The following SNRPN variants were observed in gnomAD, a reference collection of about 807,000 sequenced individuals.
SNRPN encodes the protein small nuclear ribonucleoprotein-associated protein N.
In SNRPN, 7 loss-of-function variants were observed where a neutral mutation model predicts 25.2. That is an observed-to-expected ratio of 0.28 (90% CI 0.16 to 0.52). The LOEUF is 0.52. Among genes scored for constraint, SNRPN ranks in the 20% least tolerant of loss-of-function variants. The pLI, the probability that SNRPN is intolerant of heterozygous loss-of-function variation, is 0.96. For synonymous variants in SNRPN, 124 were observed against 110.6 expected (o/e 1.12, Z -0.76); for missense variants, 196 against 322.5 (o/e 0.61, Z 3.00).
intron 3 of SNRPN, among the ~76,000 whole-genome samples, chr15:24,938,322 T>C (rs1203588886): frequency 6.6e-6 from 1 of 152,152 alleles, no homozygotes; most frequent in Non-Finnish European, 1.5e-5. Context: ...GATTGGGGGT[T>C]TCACCATGTT....
intron 1 of SNRPN, among the ~76,000 whole-genome samples, chr15:24,867,376 GTT>G (rs1417168109): frequency 6.1e-5 from 8 of 131,490 alleles, no homozygotes; most frequent in African/African-American, 2.5e-4. Flanking sequence ...ATTTAAATAA[GTT>G]TTTTTTTTTT....
chr15:24,847,705 A>T (rs1420572882), intron 2 of SNRPN, among the ~76,000 whole-genome samples: 1 of 152,188 alleles, frequency 6.6e-6, no homozygotes, highest in Non-Finnish European at 1.5e-5. Context: ...TTCCCAGTAA[A>T]CACTCAGCGA....
rs1395637685 is a variant in SNRPN, at chr15:24,977,990, T to G, written c.559+74T>G. 8 of 1,403,988 alleles carry G rather than the reference T, an allele frequency of 5.7e-6. No individual in the cohort carries two copies. In the Admixed American group the frequency reaches 1.9e-4, roughly 33 times the overall value. 87.0% of individuals were successfully genotyped at this position (1,403,988 alleles called of 1,614,324 possible). Reference sequence around the variant, plus strand: ...TAGCTTACTGATTTAAGACACAGCCTGAGAGCCTAAGAATTTGGGGAATAT... The same window carrying G: ...TAGCTTACTGATTTAAGACACAGCCGGAGAGCCTAAGAATTTGGGGAATAT... On this transcript the variant is annotated intron_variant, in intron 8 of 9. Coordinates refer to ENST00000390687, the MANE Select transcript of SNRPN (RefSeq NM_003097.6).
chr15:24,959,355 G>A (rs965226882), intron 1 of SNRPN, among the ~76,000 whole-genome samples: 15 of 152,090 alleles, frequency 9.9e-5, no homozygotes, highest in Non-Finnish European at 1.6e-4. Context: ...AGCCAGGTGC[G>A]GTGGCTCATG....
At chr15:24,920,570 T>C (rs1248543378) in intron 3 of SNRPN, 2 of 152,120 alleles carry the variant, frequency 1.3e-5, no homozygotes, top group Admixed American at 1.3e-4. Context: ...TTCACTAACC[T>C]GGGTTAGAGA....
upstream of SNRPN, among the ~76,000 whole-genome samples, chr15:24,950,099 G>C (rs570792978): frequency 5.5e-4 from 84 of 152,238 alleles, no homozygotes; most frequent in African/African-American, 2.0e-3. Context: ...TGGGACTGCA[G>C]GCATGAGCCA....
At chr15:24,936,985 G>A (rs768637002) in intron 3 of SNRPN, among the ~76,000 whole-genome samples, 2 of 152,124 alleles carry the variant, frequency 1.3e-5, no homozygotes, top group Non-Finnish European at 2.9e-5. Context: ...TGGCTCACGT[G>A]TGTAATCCCA....
intron 3 of SNRPN, among the ~76,000 whole-genome samples, chr15:24,941,960 A>G (rs2061581445): frequency 6.6e-6 from 1 of 151,944 alleles, no homozygotes; most frequent in Admixed American, 6.6e-5. Flanking sequence ...TTGTATTTTC[A>G]GTAGAGATGG....
rs144345397 is a variant in SNRPN, at chr15:24,949,107, C to T, written c.-390-13007C>T. Reference sequence around the variant, plus strand: ...CGCAATCTCGGCTCATTGCAACCTCCGTCTCCTGGGTTCAAGTGATCCTCC... The same window carrying T: ...CGCAATCTCGGCTCATTGCAACCTCTGTCTCCTGGGTTCAAGTGATCCTCC... On this transcript the variant is annotated intron_variant, in intron 3 of 11. Coordinates refer to the SNRPN transcript ENST00000400097. Among the ~76,000 whole-genome samples the T allele has an allele frequency of 2.3e-3, 343 of 147,688 alleles. 1 individual carries two copies. Among genetic ancestry groups the T allele is most frequent in the African/African-American group, 7.8e-3 (307 of 39,514 alleles).
At chr15:24,866,577 T>C (rs924617323) in intron 1 of SNRPN, among the ~76,000 whole-genome samples, 2 of 152,116 alleles carry the variant, frequency 1.3e-5, no homozygotes, top group African/African-American at 4.8e-5. Context: ...TTTAGCGTTT[T>C]AAAAATAAGA....
At chr15:24,958,408 C>T (rs551731) in intron 1 of SNRPN, among the ~76,000 whole-genome samples, 5,088 of 147,316 alleles carry the variant, frequency 0.035, 101 homozygotes, top group Middle Eastern at 0.058. Flanking sequence ...TTTTGTGGCC[C>T]AGGGCCAGAA....
At chr15:24,863,335 C>T (rs969643466) in intron 1 of SNRPN, among the ~76,000 whole-genome samples, 4 of 150,840 alleles carry the variant, frequency 2.7e-5, no homozygotes, top group Admixed American at 2.6e-4. Context: ...TTCCCAGCTG[C>T]ACAGAAGAAG....
At chr15:24,875,028 T>G (rs975751671) in intron 1 of SNRPN, among the ~76,000 whole-genome samples, 6 of 152,234 alleles carry the variant, frequency 3.9e-5, no homozygotes, top group Non-Finnish European at 7.3e-5. Flanking sequence ...ATTTGTCCTA[T>G]AGTCTACGAA....
intron 2 of SNRPN, among the ~76,000 whole-genome samples, chr15:24,896,761 A>G (rs1166311117): frequency 6.6e-6 from 1 of 152,038 alleles, no homozygotes; most frequent in African/African-American, 2.4e-5. Flanking sequence ...GAAAATAGAA[A>G]AGACTCTGTC....
rs755155272 is a variant in SNRPN at position 24,864,130 on chromosome 15, T to C, written c.-579+7414T>C. Among the ~76,000 whole-genome samples the C allele has an allele frequency of 1.3e-4, 19 of 146,794 alleles. 1 individual carries two copies. Among genetic ancestry groups the C allele is most frequent in the African/African-American group, 4.4e-4 (17 of 38,780 alleles). ...CAAGCTCCGCCTCCCGGGTTCACAC[T>C]ATTCTCCTGCCTCAGCCTCCCAAGT... On this transcript the variant is annotated intron_variant, in intron 1 of 11. Coordinates refer to the SNRPN transcript ENST00000400097.
rs147961664 is a variant in SNRPN at position 24,928,239 on chromosome 15, A to G, written c.-391+8115A>G. 2.1e-4 allele frequency among the ~76,000 whole-genome samples: 32 copies of G among 152,290 alleles called. 1 individual carries two copies. Among genetic ancestry groups the G allele is most frequent in the African/African-American group, 6.0e-4 (25 of 41,570 alleles). The stretch of plus-strand genomic sequence containing the variant: ...CAATTCCACTACTGAGTATTTATCC[A>G]AAGTTAAATCAGTGTATTGAAGAGA... On this transcript the variant is annotated intron_variant, in intron 3 of 11. Transcript: ENST00000400097.
At position 24,927,475 on chromosome 15, in the gene SNRPN, A is replaced by ATTTTTTTTTTTT. The variant is rs1566921436; in HGVS notation, c.-391+7351_-391+7352insTTTTTTTTTTTT. Among the ~76,000 whole-genome samples the ATTTTTTTTTTTT allele has an allele frequency of 3.5e-3, 394 of 113,284 alleles. 74 individuals are homozygous for ATTTTTTTTTTTT. The highest frequency in any genetic ancestry group is 6.8e-3 in the Admixed American group (68 of 10,068). 74.3% of individuals were successfully genotyped at this position (113,284 alleles called of 152,430 possible). ...TTTCCCACTGCTTATAAAGTTTTTA[A>ATTTTTTTTTTTT]ATTTTTTTTTTTTTTTTTTTTTTTT... On this transcript the variant is annotated intron_variant, in intron 3 of 11. Coordinates refer to the SNRPN transcript ENST00000400097.
At chr15:24,836,455 A>G (rs1205361321) in intron 2 of SNRPN, among the ~76,000 whole-genome samples, 1 of 151,824 alleles carries the variant, frequency 6.6e-6, no homozygotes, top group Non-Finnish European at 1.5e-5. Context: ...TCTGTTGCCC[A>G]GGCTGGAGTG....
At chr15:24,971,625 T>C (rs975204266) in intron 3 of SNRPN, among the ~76,000 whole-genome samples, 2 of 152,140 alleles carry the variant, frequency 1.3e-5, no homozygotes, top group Non-Finnish European at 2.9e-5. Flanking sequence ...CCTAGATGTG[T>C]TTCATACCTC....
Sources: gnomAD v4.1 joint callset for allele counts (sites outside exome capture counted in the v4.1 genomes callset) on GRCh38, gnomAD v4.1.1 for gene constraint, MANE v1.5 for transcripts, NCBI Gene and HGNC (gene_info 2026-07-23, HGNC 2026-07-21) for gene names.